ZNF532: variants seen among roughly 807,000 people sequenced by gnomAD.
ZNF532 encodes zinc finger protein 532.
A neutral mutation model predicts 89.3 loss-of-function variants in ZNF532; 22 were observed. That is an observed-to-expected ratio of 0.25 (90% CI 0.18 to 0.35). The LOEUF is 0.35. Ranked by LOEUF, ZNF532 falls within the 10% of genes least tolerant of loss-of-function variation. ZNF532 has a pLI of 1.00. For synonymous variants in ZNF532, 606 were observed against 649.6 expected (o/e 0.93, Z 1.02); for missense variants, 1,132 against 1,643.4 (o/e 0.69, Z 5.38).
rs1458134309 is a variant in ZNF532, at chr18:58,920,337, C to G, written c.2050C>G (p.Pro684Ala). 1 of 1,613,868 alleles carries G rather than the reference C, an allele frequency of 6.2e-7. No individual in the cohort carries two copies. The highest frequency in any genetic ancestry group is 8.5e-7 in the Non-Finnish European group (1 of 1,179,880). The change falls in exon 3 of 10, where the codon CCA (proline) becomes GCA (alanine). Residue 684 changes from proline (P) to alanine (A), a missense_variant. Around this residue, in one of 9 missense-constraint regions of ZNF532, gnomAD observed 70 missense variants for 152.1 expected, o/e 0.46. Transcript: ENST00000591808. ...VMQCSHLILKPVPADQMIVSP... is the reference protein window; with the variant it reads ...VMQCSHLILKAVPADQMIVSP... ...GCAATGCTCCCACTTAATTTTAAAG[C>G]CAGTCCCAGCAGATCAAATGATAGT...
Position 58,919,251 on chromosome 18 carries a change from G to A in ZNF532, c.964G>A (p.Asp322Asn), listed in dbSNP as rs902336909. 3 of 1,613,898 alleles carry A rather than the reference G, an allele frequency of 1.9e-6. No individual in the cohort carries two copies. Among genetic ancestry groups the A allele is most frequent in the Admixed American group, 1.7e-5 (1 of 59,986 alleles). The change falls in exon 3 of 10, where the codon GAC (aspartate) becomes AAC (asparagine). Residue 322 changes from aspartate to asparagine, a missense_variant. By Grantham distance (23) the Asp-to-Asn change is conservative. This residue lies in a region of ZNF532 where 124 missense variants were observed against 191.6 expected (regional missense o/e 0.65). Transcript: ENST00000591808. The surrounding 1 kb of genome is among the most constrained non-coding windows in gnomAD (Gnocchi z 6.1). Reference protein sequence around the residue: ...DKSPESQNLIDGTKKPSLKQP... With the variant: ...DKSPESQNLINGTKKPSLKQP... ...GTCTCCTGAATCCCAGAATCTCATC[G>A]ACGGGACCAAAAAACCATCCCTGAA... is the stretch of plus-strand genomic sequence containing the variant.
intron 2 of ZNF532, among the ~76,000 whole-genome samples, chr18:58,866,211 A>G (rs1181222877): frequency 6.6e-6 from 1 of 152,234 alleles, no homozygotes; most frequent in Non-Finnish European, 1.5e-5. Context: ...TCATCTGTGA[A>G]AAGATGCCTG....
intron 2 of ZNF532, among the ~76,000 whole-genome samples, chr18:58,870,552 G>A (rs1882176396): frequency 6.6e-6 from 1 of 152,178 alleles, no homozygotes; most frequent in Non-Finnish European, 1.5e-5. Context: ...GTGCCTTGAG[G>A]ATGGACTTCT....
At position 58,934,595 on chromosome 18, in the gene ZNF532, A is replaced by G. The variant is rs751058419; in HGVS notation, c.2509A>G (p.Thr837Ala). The stretch of plus-strand genomic sequence containing the variant: ...CGTCACCAAGAACTGTCTGCACTAC[A>G]CGAGGAGAGTTGGTTTTCGGTCAGT... ...THVTKNCLHY[T>A]RRVGFRCVHC... The change falls in exon 4 of 10, where the codon ACG (threonine) becomes GCG (alanine). Residue 837 changes from threonine to alanine, a missense_variant. This residue lies in a region of ZNF532 where 415 missense variants were observed against 604.8 expected (regional missense o/e 0.69). Coordinates refer to ENST00000591808, the MANE Select transcript of ZNF532 (RefSeq NM_001375912.1). The G allele has an allele frequency of 4.0e-5, 64 of 1,613,710 alleles. No individual in the cohort carries two copies. The highest frequency in any genetic ancestry group is 5.2e-5 in the Non-Finnish European group (61 of 1,179,934).
chr18:58,950,266 A>G (rs1328791987), intron 6 of ZNF532, among the ~76,000 whole-genome samples: 2 of 152,210 alleles, frequency 1.3e-5, no homozygotes, highest in Admixed American at 6.5e-5. Context: ...CAAGGTTCCA[A>G]GAAATAGAAA....
intron 9 of ZNF532, among the ~76,000 whole-genome samples, chr18:58,982,294 G>A (rs2067886599): frequency 6.6e-6 from 1 of 151,934 alleles, no homozygotes; most frequent in Admixed American, 6.6e-5. Flanking sequence ...ACAAGAGCAG[G>A]ACTTTTTTTG....
intron 5 of ZNF532, 29 bp from the exon 6 acceptor site, chr18:58,948,038 C>T (rs372547690): frequency 6.3e-6 from 10 of 1,584,006 alleles, no homozygotes; most frequent in Non-Finnish European, 8.6e-6. Flanking sequence ...GGCTGACTGA[C>T]ATGATCTCGC....
At chr18:58,970,143 C>CA (rs2066327377) in intron 7 of ZNF532, among the ~76,000 whole-genome samples, 1 of 152,180 alleles carries the variant, frequency 6.6e-6, no homozygotes, top group African/African-American at 2.4e-5. Context: ...CTCGGCCTCC[C>CA]AAAGTCCTGG....
At chr18:58,975,892 C>G (rs1339341293) in intron 7 of ZNF532, among the ~76,000 whole-genome samples, 3 of 152,190 alleles carry the variant, frequency 2.0e-5, no homozygotes, top group African/African-American at 4.8e-5. Flanking sequence ...ACCCAAAGCT[C>G]TCAATCTCAG....
chr18:58,955,231 T>G (rs1194084569), intron 7 of ZNF532, among the ~76,000 whole-genome samples: 1 of 152,132 alleles, frequency 6.6e-6, no homozygotes, highest in Non-Finnish European at 1.5e-5. Context: ...CACTCTACCC[T>G]GGGCGATAGA....
intron 9 of ZNF532, among the ~76,000 whole-genome samples, chr18:58,983,758 G>C (rs1054964416): frequency 1.2e-4 from 18 of 148,320 alleles, no homozygotes; most frequent in Non-Finnish European, 1.9e-4. Context: ...CCCACTGGCA[G>C]AGCAATGCCT....
chr18:58,882,084 C>G (rs964552130), intron 2 of ZNF532, among the ~76,000 whole-genome samples: 5 of 152,074 alleles, frequency 3.3e-5, no homozygotes, highest in Admixed American at 3.3e-4. Flanking sequence ...CAGCCTCCTG[C>G]GTAGCTTGGG....
In ZNF532 at chr18:58,890,876, C is replaced by T. The variant is rs148606864; in HGVS notation, c.-18+25297C>T. 7.3e-4 allele frequency among the ~76,000 whole-genome samples: 110 copies of T among 151,258 alleles called. 2 individuals carry two copies. The highest frequency in any genetic ancestry group is 1.4e-3 in the Non-Finnish European group (92 of 67,812). ...TTAAACTATTTTTTTAGATATGGGG[C>T]CTCTGTCATCCAGGCTGGGGTGCAG... On this transcript the variant is annotated intron_variant, in intron 2 of 9. Coordinates refer to ENST00000591808, the MANE Select transcript of ZNF532 (RefSeq NM_001375912.1).
chr18:58,965,269 G>A (rs72961146), intron 7 of ZNF532, among the ~76,000 whole-genome samples: 6,851 of 152,224 alleles, frequency 0.045, 200 homozygotes, highest in Non-Finnish European at 0.067. Context: ...GGATACTGGG[G>A]CTAACACTGT....
intron 2 of ZNF532, among the ~76,000 whole-genome samples, chr18:58,903,678 A>G (rs1195893555): frequency 6.6e-6 from 1 of 152,200 alleles, no homozygotes; most frequent in Non-Finnish European, 1.5e-5. Flanking sequence ...GGAGTCTGAT[A>G]TTGAGTAAGA....
chr18:58,919,229 T>C lies in ZNF532; in HGVS notation c.942T>C (p.Ser314=), dbSNP rs772050970. ...ACAGTCCGAGAGCCGCTGACAAGTCTCCTGAATCCCAGAATCTCATCGACG... is the reference window on the plus strand; with the variant it reads ...ACAGTCCGAGAGCCGCTGACAAGTCCCCTGAATCCCAGAATCTCATCGACG... ...VNDSPRAADK[S]PESQNLIDGT... is the part of the protein sequence containing the mutation. Residue 314 remains serine (S), a synonymous_variant, in exon 3 of 10, where the codon TCT becomes TCC. Transcript: ENST00000591808. The surrounding 1 kb of genome is among the most constrained non-coding windows in gnomAD (Gnocchi z 6.1). 9 of 1,613,904 alleles carry C rather than the reference T, an allele frequency of 5.6e-6. No homozygotes were observed. In the Admixed American group the frequency reaches 1.5e-4, roughly 27 times the overall value.
At chr18:58,887,017 T>G (rs1307097313) in intron 2 of ZNF532, among the ~76,000 whole-genome samples, 1 of 152,226 alleles carries the variant, frequency 6.6e-6, no homozygotes, top group Admixed American at 6.5e-5. Context: ...TCACTTGTCC[T>G]TTACCAGATA....
Position 58,954,141 on chromosome 18 carries a change from TAAGGAAGA to T in ZNF532, c.3150+348_3150+355del, listed in dbSNP as rs149185588. 2,014 of 971,774 alleles carry T rather than the reference TAAGGAAGA, an allele frequency of 2.1e-3. 23 individuals are homozygous for T. The African/African-American group carries it at 0.032, about 15-fold the overall frequency. 60.2% of individuals were successfully genotyped at this position (971,774 alleles called of 1,614,324 possible). ...AATTTACCTCTATCCTTGTGCCAGC[TAAGGAAGA>T]AAGGAGCAGAGAAAGACAGTGGAAA... is the stretch of plus-strand genomic sequence containing the variant. On this transcript the variant is annotated intron_variant, in intron 7 of 9. Coordinates refer to ENST00000591808, the MANE Select transcript of ZNF532 (RefSeq NM_001375912.1).
intron 2 of ZNF532, among the ~76,000 whole-genome samples, chr18:58,869,870 G>A (rs543840784): frequency 6.7e-6 from 1 of 149,844 alleles, no homozygotes; most frequent in East Asian, 2.0e-4. Context: ...AGGTTCAAGC[G>A]ATTCTCCTGC....
Sources: gnomAD v4.1 joint callset for allele counts (sites outside exome capture counted in the v4.1 genomes callset) on GRCh38, gnomAD v4.1.1 for gene constraint, gnomAD v4.1.1 regional missense constraint, Gnocchi (gnomAD v3.1) non-coding constraint, MANE v1.5 for transcripts, NCBI Gene and HGNC (gene_info 2026-07-23, HGNC 2026-07-21) for gene names.